The following MAST4 variants were observed in gnomAD, a reference collection of about 807,000 sequenced individuals.
The protein encoded by MAST4 is microtubule associated serine/threonine kinase family member 4, also known as microtubule-associated serine/threonine-protein kinase 4.
A neutral mutation model predicts 162.7 loss-of-function variants in MAST4; 89 were observed. The ratio of observed to expected loss-of-function variants is 0.55; its 90% CI spans 0.46 to 0.65. MAST4 has a LOEUF of 0.65. Ranked by LOEUF, MAST4 falls within the 30% of genes least tolerant of loss-of-function variation. The probability of loss-of-function intolerance (pLI) is 0.00; values close to 1 mark genes in which losing one functional copy is unlikely to be tolerated. For synonymous variants in MAST4, 1,479 were observed against 1,361.1 expected, an observed-to-expected ratio of 1.09 and a Z score of -1.91; for missense variants, 3,153 against 3,374.0, an observed-to-expected ratio of 0.93 and a Z score of 1.62.
At chr5:66,914,703 A>T (rs1365050258) in intron 4 of MAST4, among the ~76,000 whole-genome samples, 4 of 152,170 alleles carry the variant, frequency 2.6e-5, no homozygotes, top group African/African-American at 9.7e-5. Context: ...GGTCAGTTAT[A>T]CACTTGAACT....
intron 1 of MAST4, among the ~76,000 whole-genome samples, chr5:66,636,623 C>T (rs1232196322): frequency 6.6e-6 from 1 of 152,120 alleles, no homozygotes; most frequent in African/African-American, 2.4e-5. Context: ...GATCCCTAAA[C>T]CCAGTTTTTG....
intron 25 of MAST4, 129 bp downstream of exon 25, chr5:67,152,995 T>A: frequency 1.3e-6 from 1 of 743,730 alleles, no homozygotes; most frequent in South Asian, 1.8e-5. Flanking sequence ...CATTTTCCTT[T>A]TAGAGCTCCA....
chr5:67,119,322 C>T (rs1038049034), intron 13 of MAST4, among the ~76,000 whole-genome samples: 1 of 152,046 alleles, frequency 6.6e-6, no homozygotes, highest in Admixed American at 6.6e-5. Context: ...CATGTGGAAG[C>T]CAGTTCAGAG....
chr5:66,747,591 T>G (rs1346406736), intron 1 of MAST4, among the ~76,000 whole-genome samples: 1 of 152,212 alleles, frequency 6.6e-6, no homozygotes, highest in Non-Finnish European at 1.5e-5. Context: ...TTGCTGAGAT[T>G]CTATCTGTGC....
intron 3 of MAST4, among the ~76,000 whole-genome samples, chr5:66,791,370 A>C (rs1030314346): frequency 1.3e-5 from 2 of 152,216 alleles, no homozygotes; most frequent in African/African-American, 4.8e-5. Flanking sequence ...GTCACATACC[A>C]AGAAACAGAA....
intron 14 of MAST4, among the ~76,000 whole-genome samples, chr5:67,128,104 A>G (rs568850977): frequency 1.3e-5 from 2 of 152,352 alleles, no homozygotes; most frequent in South Asian, 4.1e-4. Context: ...ACAGGAATTT[A>G]ATTTAGTAAC....
At chr5:66,907,535 G>A (rs965686425) in intron 4 of MAST4, among the ~76,000 whole-genome samples, 1 of 151,492 alleles carries the variant, frequency 6.6e-6, no homozygotes, top group Non-Finnish European at 1.5e-5. Flanking sequence ...TTCTGATTTT[G>A]ACACAAGATA....
intron 6 of MAST4, among the ~76,000 whole-genome samples, chr5:67,092,995 G>T (rs1764034696): frequency 6.6e-6 from 1 of 152,154 alleles, no homozygotes; most frequent in African/African-American, 2.4e-5. Flanking sequence ...AGTTCAACTT[G>T]TTCCAACATC....
intron 4 of MAST4, chr5:66,958,767 G>A (rs1300790087): frequency 1.3e-5 from 2 of 156,274 alleles, no homozygotes; most frequent in Non-Finnish European, 2.8e-5. Flanking sequence ...TGTAAGATGA[G>A]CCTCCTCAGG....
At chr5:66,809,642 A>G (rs1447979726) in intron 3 of MAST4, among the ~76,000 whole-genome samples, 1 of 152,248 alleles carries the variant, frequency 6.6e-6, no homozygotes, top group African/African-American at 2.4e-5. Context: ...TATAAAATAA[A>G]AAAATGATTC....
At chr5:66,645,627 A>C (rs921637647) in intron 1 of MAST4, among the ~76,000 whole-genome samples, 1 of 152,354 alleles carries the variant, frequency 6.6e-6, no homozygotes, top group South Asian at 2.1e-4. Context: ...AAATGTCTAC[A>C]TATACAGGGA....
chr5:66,946,110 C>T (rs1406635374), intron 4 of MAST4, among the ~76,000 whole-genome samples: 1 of 152,066 alleles, frequency 6.6e-6, no homozygotes, highest in African/African-American at 2.4e-5. Flanking sequence ...GGAATCCCCA[C>T]AGGAAGGAGG....
intron 1 of MAST4, among the ~76,000 whole-genome samples, chr5:66,753,745 C>T (rs1753343189): frequency 6.7e-6 from 1 of 150,352 alleles, no homozygotes; most frequent in East Asian, 1.9e-4. Context: ...GGTACCATTC[C>T]TTCTGAAACT....
At chr5:67,138,806 G>C (rs960551119) in intron 19 of MAST4, among the ~76,000 whole-genome samples, 1 of 152,134 alleles carries the variant, frequency 6.6e-6, no homozygotes, top group Non-Finnish European at 1.5e-5. Context: ...TCATATCAGT[G>C]CTCAAAAAAT....
chr5:66,804,189 G>C (rs891681149), intron 3 of MAST4, among the ~76,000 whole-genome samples: 6 of 152,070 alleles, frequency 3.9e-5, no homozygotes, highest in Admixed American at 1.3e-4. Flanking sequence ...TCATTTTTTG[G>C]ATTATCTTTG....
chr5:66,817,418 G>A (rs1281372944), intron 3 of MAST4, among the ~76,000 whole-genome samples: 1 of 152,168 alleles, frequency 6.6e-6, no homozygotes, highest in African/African-American at 2.4e-5. Flanking sequence ...ATGTTCTGTT[G>A]TGTGGTATTA....
In MAST4 at chr5:66,698,843, T is replaced by C. The variant is rs1380570155; in HGVS notation, c.364-60866T>C. On this transcript the variant is annotated intron_variant, in intron 1 of 28. Coordinates refer to ENST00000403625, the MANE Select transcript of MAST4 (RefSeq NM_001164664.2). ...CCCCACACAAGTTCTGTGAGTTCTG[T>C]GGCCACTGCCTTTAAACTCTCCCTC... is the stretch of plus-strand genomic sequence containing the variant. Among the ~76,000 whole-genome samples the C allele has an allele frequency of 3.3e-5, 5 of 152,224 alleles. No homozygotes were observed. The South Asian group carries it at 8.3e-4, about 25-fold the overall frequency.
intron 4 of MAST4, among the ~76,000 whole-genome samples, chr5:66,907,620 G>A (rs866747118): frequency 1.4e-5 from 2 of 147,310 alleles, no homozygotes; most frequent in East Asian, 3.9e-4. Context: ...GTGTGTGTGT[G>A]TGTGTGTGTG....
chr5:66,596,662 G>A lies in MAST4; in HGVS notation c.7G>A (p.Glu3Lys), dbSNP rs1242829054. The change falls in exon 1 of 29, where the codon GAG (glutamate) becomes AAG (lysine). Residue 3 changes from glutamate to lysine, a missense_variant. Glu to Lys is a moderately conservative substitution (Grantham distance 56). Transcript: ENST00000403625. ...CTTTGGGCCAGACAGGGAAATGGGG[G>A]AGAAAGTTTCGGAGGCGCCAGAGCC... MG[E>K]KVSEAPEPVP... is the part of the protein sequence containing the mutation. 6 of 1,464,196 alleles carry A rather than the reference G, an allele frequency of 4.1e-6. No individual in the cohort carries two copies. The highest frequency in any genetic ancestry group is 5.4e-6 in the Non-Finnish European group (6 of 1,110,294). 90.7% of individuals were successfully genotyped at this position (1,464,196 alleles called of 1,614,324 possible).
Sources: allele counts gnomAD v4.1 joint callset (sites outside exome capture counted in the v4.1 genomes callset), GRCh38; gene constraint gnomAD v4.1.1; transcripts MANE v1.5; gene names NCBI Gene and HGNC (gene_info 2026-07-23, HGNC 2026-07-21).